Variants in PNLIPRP1 observed in about 807,000 individuals in gnomAD.
PNLIPRP1 encodes the protein pancreatic lipase related protein 1, also known as inactive pancreatic lipase-related protein 1.
PNLIPRP1 carries 57 observed loss-of-function variants against 54.6 expected under a neutral mutation model. The ratio of observed to expected loss-of-function variants is 1.04; its 90% CI spans 0.84 to 1.30. The LOEUF (loss-of-function observed/expected upper bound fraction) is 1.30, where lower values mean the gene tolerates loss of function less well. PNLIPRP1 is among the 50% of genes most tolerant of loss of function. The pLI is 0.00. For missense variants in PNLIPRP1, 567 were observed against 568.5 expected (o/e 1.00, Z 0.03); for synonymous variants, 232 against 208.8 (o/e 1.11, Z -0.96).
intron 9 of PNLIPRP1, 53 bp downstream of exon 9, chr10:116,600,218 T>C: frequency 8.7e-7 from 1 of 1,147,086 alleles, no homozygotes; most frequent in South Asian, 1.2e-5. Context: ...GAGGGACTGC[T>C]GTCCTGCTGC....
chr10:116,595,566 C>G (rs1334067159), intron 5 of PNLIPRP1: 3 of 152,782 alleles, frequency 2.0e-5, no homozygotes, highest in Non-Finnish European at 4.4e-5. Flanking sequence ...GTATGATAGA[C>G]CAATAAATGA....
intron 4 of PNLIPRP1, 41 bp downstream of exon 4, chr10:116,592,582 C>A: frequency 6.2e-7 from 1 of 1,611,256 alleles, no homozygotes; most frequent in Non-Finnish European, 8.5e-7. Flanking sequence ...CTGAGGCCAA[C>A]ACTTCTGCTA....
Position 116,598,131 on chromosome 10 carries a change from T to C in PNLIPRP1, c.779T>C (p.Leu260Pro), listed in dbSNP as rs782708183. The C allele has an allele frequency of 2.5e-6, 4 of 1,614,088 alleles. No homozygotes were observed. Among genetic ancestry groups the C allele is most frequent in the Admixed American group, 1.7e-5 (1 of 60,016 alleles). Reference sequence around the variant, plus strand: ...ATGCCGGGATGCAAGAAGAATGCCCTGTCTCAGATCGTGGATCTAGATGGC... The same window carrying C: ...ATGCCGGGATGCAAGAAGAATGCCCCGTCTCAGATCGTGGATCTAGATGGC... The part of the protein sequence containing the change: ...ESMPGCKKNA[L>P]SQIVDLDGIW... Residue 260 changes from leucine (L) to proline (P), a missense_variant, in exon 8 of 13, where the codon CTG becomes CCG. Transcript: ENST00000358834.
intron 10 of PNLIPRP1, among the ~76,000 whole-genome samples, chr10:116,602,116 C>T (rs544438606): frequency 3.3e-5 from 5 of 151,830 alleles, no homozygotes; most frequent in South Asian, 2.1e-4. Flanking sequence ...CCCGGGTTCA[C>T]GCCATTCTCC....
chr10:116,608,759 C>A (rs1847978100), intron 12 of PNLIPRP1, among the ~76,000 whole-genome samples: 1 of 152,206 alleles, frequency 6.6e-6, no homozygotes, highest in African/African-American at 2.4e-5. Context: ...GGCCGCCAGG[C>A]GCCTGTGGGG....
At chr10:116,605,280 G>A (rs997456117) in intron 11 of PNLIPRP1, 106 bp from the exon 12 acceptor site, 12 of 603,756 alleles carry the variant, frequency 2.0e-5, no homozygotes, top group African/African-American at 1.5e-4. Context: ...AAATTAATTC[G>A]GAAAAATAAT....
chr10:116,607,497 C>G (rs1429372873), intron 12 of PNLIPRP1, among the ~76,000 whole-genome samples: 2 of 152,114 alleles, frequency 1.3e-5, no homozygotes, highest in Non-Finnish European at 2.9e-5. Flanking sequence ...GGGCAGCTCT[C>G]AGGATGAGGC....
In PNLIPRP1 at chr10:116,595,977, T is replaced by C. The variant is rs993498474; in HGVS notation, c.466-237T>C. ...GAGAAGAACAAACCAGGCCCAGAGG[T>C]GAGAGGCTATGATGTATTCGAGGGT... On this transcript the variant is annotated intron_variant, in intron 5 of 12. Coordinates refer to ENST00000358834, the MANE Select transcript of PNLIPRP1 (RefSeq NM_006229.4). The C allele has an allele frequency of 1.2e-5, 5 of 420,140 alleles. No individual in the cohort carries two copies. The Admixed American group carries it at 1.2e-4, about 10-fold the overall frequency. The allele number at this position is 420,140 out of a possible 1,614,324, so 26.0% of individuals were successfully genotyped here. A position where few individuals can be genotyped will look rare whatever the true frequency, so the allele number is the denominator to read the frequency against.
chr10:116,607,042 T>G (rs1554865650), intron 12 of PNLIPRP1, among the ~76,000 whole-genome samples: 1 of 149,614 alleles, frequency 6.7e-6, no homozygotes, highest in East Asian at 2.3e-4. Flanking sequence ...ATAATAATAA[T>G]AATAATGAAG....
In PNLIPRP1 at chr10:116,596,206, C is replaced by G; in HGVS notation, c.466-8C>G. On this transcript the variant is annotated splice_polypyrimidine_tract_variant and splice_region_variant and intron_variant, in intron 5 of 12. Coordinates refer to ENST00000358834, the MANE Select transcript of PNLIPRP1 (RefSeq NM_006229.4). ...AAATGTCCTGAAAATACAATCTTCC[C>G]TCTCCAGACAGAGTATAGCTACCCC... is the stretch of plus-strand genomic sequence containing the variant. 1.3e-6 allele frequency: 2 copies of G among 1,573,580 alleles called. No individual in the cohort carries two copies. The highest frequency in any genetic ancestry group is 1.7e-6 in the Non-Finnish European group (2 of 1,144,900).
chr10:116,605,641 A>G (rs1847924738), intron 12 of PNLIPRP1, 88 bp downstream of exon 12: 2 of 964,920 alleles, frequency 2.1e-6, no homozygotes, highest in Non-Finnish European at 3.0e-6. Flanking sequence ...ACGTGTAGTT[A>G]AGCAAGAAAA....
Position 116,592,501 on chromosome 10 carries a change from T to G in PNLIPRP1, c.290T>G (p.Ile97Arg). The G allele has an allele frequency of 1.2e-6, 2 of 1,614,140 alleles. No homozygotes were observed. The highest frequency in any genetic ancestry group is 1.7e-6 in the Non-Finnish European group (2 of 1,180,014). Reference protein sequence around the residue: ...RKTRFIIHGFIDKGDESWVTD... With the variant: ...RKTRFIIHGFRDKGDESWVTD... ...ACCCGGTTCATCATCCATGGCTTCA[T>G]AGACAAAGGAGATGAGAGCTGGGTG... Residue 97 changes from isoleucine (I) to arginine (R), a missense_variant, in exon 4 of 13, where the codon ATA becomes AGA. Physicochemically the swap from Ile to Arg is moderately conservative, Grantham distance 97. Transcript: ENST00000358834.
intron 5 of PNLIPRP1, chr10:116,595,708 A>G (rs1254409173): frequency 2.0e-5 from 3 of 153,490 alleles, no homozygotes; most frequent in Admixed American, 1.3e-4. Context: ...GACACATGAG[A>G]TCCCAGACCA....
At chr10:116,604,262 T>C (rs557789894) in intron 11 of PNLIPRP1, 124 bp downstream of exon 11, 10 of 533,940 alleles carry the variant, frequency 1.9e-5, no homozygotes, top group Non-Finnish European at 3.0e-5. Flanking sequence ...TCATGCAACA[T>C]GTAACAACAT....
chr10:116,594,637 G>A, intron 4 of PNLIPRP1, 93 bp from the exon 5 acceptor site: 2 of 1,352,944 alleles, frequency 1.5e-6, no homozygotes, highest in Non-Finnish European at 2.1e-6. Context: ...CCCTAGCTAG[G>A]AGAAGAGAGA....
At chr10:116,592,377 G>C in intron 3 of PNLIPRP1, 39 bp from the exon 4 acceptor site, 1 of 1,556,460 alleles carries the variant, frequency 6.4e-7, no homozygotes, top group Non-Finnish European at 8.7e-7. Flanking sequence ...CTGTGAGGCT[G>C]GGCTGCGAAA....
At chr10:116,606,842 C>T (rs1391271137) in intron 12 of PNLIPRP1, among the ~76,000 whole-genome samples, 1 of 152,192 alleles carries the variant, frequency 6.6e-6, no homozygotes, top group Non-Finnish European at 1.5e-5. Context: ...TGCAGCTCCC[C>T]TCGCTGTCTG....
At chr10:116,594,426 A>G (rs1847698351) in intron 4 of PNLIPRP1, 10 of 510,974 alleles carry the variant, frequency 2.0e-5, no homozygotes, top group South Asian at 1.6e-4. Context: ...TTTTCAAAAC[A>G]GGACTCTTTT....
At chr10:116,603,952 A>G in intron 10 of PNLIPRP1, 78 bp from the exon 11 acceptor site, 1 of 694,328 alleles carries the variant, frequency 1.4e-6, no homozygotes, top group Non-Finnish European at 2.4e-6. Context: ...GCCTCAGAGT[A>G]AGAGAAGGAG....
Sources: gnomAD v4.1 joint callset for allele counts (sites outside exome capture counted in the v4.1 genomes callset) on GRCh38, gnomAD v4.1.1 for gene constraint, MANE v1.5 for transcripts, NCBI Gene and HGNC (gene_info 2026-07-23, HGNC 2026-07-21) for gene names.